Variants in PBX1 observed in about 807,000 individuals in gnomAD.
PBX1 encodes the protein PBX homeobox 1, also known as pre-B-cell leukemia transcription factor 1.
Under a neutral mutation model 53.4 loss-of-function variants are expected in PBX1, and 6 were observed. The observed-to-expected ratio is 0.11, with a 90% CI of 0.06 to 0.22. PBX1 has a LOEUF of 0.22. PBX1 is among the 10% of genes least tolerant of loss of function. The pLI is 1.00. For synonymous variants in PBX1, 204 were observed against 212.3 expected, an observed-to-expected ratio of 0.96 and a Z score of 0.34; for missense variants, 251 against 551.4, an observed-to-expected ratio of 0.46 and a Z score of 5.46.
At chr1:164,614,661 A>C (rs575156361) in intron 2 of PBX1, among the ~76,000 whole-genome samples, 3 of 152,306 alleles carry the variant, frequency 2.0e-5, no homozygotes, top group East Asian at 3.9e-4. Flanking sequence ...GGACTCCCAC[A>C]CATTTTGCAG....
chr1:164,564,399 TAAA>T (rs1653282251), intron 2 of PBX1, among the ~76,000 whole-genome samples: 1 of 151,442 alleles, frequency 6.6e-6, no homozygotes, highest in Non-Finnish European at 1.5e-5. Flanking sequence ...TAGTTACACA[TAAA>T]AAATGGGCGG....
chr1:164,832,460 A>G (rs575596394), intron 8 of PBX1, among the ~76,000 whole-genome samples: 1 of 152,202 alleles, frequency 6.6e-6, no homozygotes, highest in Non-Finnish European at 1.5e-5. Flanking sequence ...CCCAGTGATC[A>G]TACATGAGAG....
chr1:164,627,819 G>A (rs769396948), intron 2 of PBX1, among the ~76,000 whole-genome samples: 64 of 151,992 alleles, frequency 4.2e-4, no homozygotes, highest in Non-Finnish European at 7.8e-4. Flanking sequence ...TTCTCCAGTG[G>A]GCTTGGAGAA....
chr1:164,693,352 A>T (rs1269056404), intron 2 of PBX1, among the ~76,000 whole-genome samples: 1 of 152,228 alleles, frequency 6.6e-6, no homozygotes, highest in Non-Finnish European at 1.5e-5. Flanking sequence ...TTATTATAAT[A>T]CCTGGAAGGG....
intron 2 of PBX1, among the ~76,000 whole-genome samples, chr1:164,663,309 CCT>C (rs150696368): frequency 6.3e-4 from 94 of 148,528 alleles, no homozygotes; most frequent in Admixed American, 8.7e-4. Context: ...TTCCTGCCTT[CCT>C]CTCTCTCTCT....
intron 4 of PBX1, among the ~76,000 whole-genome samples, chr1:164,806,875 T>G (rs1251453657): frequency 1.3e-5 from 2 of 152,214 alleles, no homozygotes; most frequent in Non-Finnish European, 2.9e-5. Context: ...TTCCCTACTC[T>G]CACCCTGTGA....
intron 8 of PBX1, among the ~76,000 whole-genome samples, chr1:164,830,351 C>A (rs1449191072): frequency 3.9e-5 from 6 of 152,068 alleles, no homozygotes; most frequent in Non-Finnish European, 8.8e-5. Flanking sequence ...AGAGGTGTCA[C>A]CATGCTGTGA....
In PBX1 at chr1:164,621,010, G is replaced by A. The variant is rs1657639000; in HGVS notation, c.265+57699G>A. 2.6e-5 allele frequency among the ~76,000 whole-genome samples: 4 copies of A among 151,156 alleles called. No homozygotes were observed. In the Middle Eastern group the frequency reaches 0.011, roughly 402 times the overall value. Reference sequence around the variant, plus strand: ...AAAAAAAAATTAATTAATTTTTTGAGATGGAGTCTTGCTCTGTTGCCAAGC... The same window carrying A: ...AAAAAAAAATTAATTAATTTTTTGAAATGGAGTCTTGCTCTGTTGCCAAGC... On this transcript the variant is annotated intron_variant, in intron 2 of 8. Transcript: ENST00000420696.
chr1:164,731,107 G>A (rs1043762314), intron 2 of PBX1, among the ~76,000 whole-genome samples: 5 of 152,234 alleles, frequency 3.3e-5, no homozygotes, highest in African/African-American at 9.6e-5. Context: ...GCATGCATGT[G>A]CACACTTGTA....
intron 2 of PBX1, 77 bp downstream of exon 2, chr1:164,563,388 T>C: frequency 1.1e-6 from 1 of 917,868 alleles, no homozygotes; most frequent in East Asian, 2.5e-5. Context: ...AAATCTATTA[T>C]TTAAATATTA....
chr1:164,602,516 T>G (rs1656244117), intron 2 of PBX1, among the ~76,000 whole-genome samples: 4 of 152,174 alleles, frequency 2.6e-5, no homozygotes, highest in African/African-American at 2.4e-5. Flanking sequence ...TGCCTTTAGC[T>G]ATACATGTTT....
At chr1:164,620,804 T>G (rs1025779778) in intron 2 of PBX1, among the ~76,000 whole-genome samples, 3 of 151,888 alleles carry the variant, frequency 2.0e-5, no homozygotes, top group African/African-American at 7.3e-5. Flanking sequence ...TGCTTCAGCC[T>G]CCCGAGTAGC....
At chr1:164,879,676 G>C (rs1029742752) in intron 2 of PBX1, among the ~76,000 whole-genome samples, 1 of 152,186 alleles carries the variant, frequency 6.6e-6, no homozygotes. Context: ...CGGTAGTCAT[G>C]ATGGTTAAAT....
rs769077767 is a variant in PBX1 at position 164,671,567 on chromosome 1, C to T, written c.265+108256C>T. On this transcript the variant is annotated intron_variant, in intron 2 of 8. Transcript: ENST00000420696. The stretch of plus-strand genomic sequence containing the variant: ...CCGCCTGCTTCATCTTTAGTTTCCC[C>T]TGTCGTTACCCTTTCCCTCCATCAG... Among the ~76,000 whole-genome samples the T allele has an allele frequency of 2.6e-4, 40 of 152,256 alleles. No individual in the cohort carries two copies. In the South Asian group the frequency reaches 2.9e-3, roughly 11 times the overall value.
At chr1:164,866,890 C>G (rs1173563461) in intron 2 of PBX1, among the ~76,000 whole-genome samples, 1 of 152,180 alleles carries the variant, frequency 6.6e-6, no homozygotes, top group African/African-American at 2.4e-5. Context: ...AAGCTGGACA[C>G]AACCCTATGC....
chr1:164,698,238 C>T (rs936498986), intron 2 of PBX1, among the ~76,000 whole-genome samples: 11 of 152,124 alleles, frequency 7.2e-5, no homozygotes, highest in Admixed American at 1.3e-4. Context: ...AGCAAGACTC[C>T]TACCTCTGAA....
chr1:164,648,003 G>C (rs919743253), intron 2 of PBX1, among the ~76,000 whole-genome samples: 3 of 152,086 alleles, frequency 2.0e-5, no homozygotes, highest in African/African-American at 7.2e-5. Context: ...TTTTAGTAGA[G>C]ACGGGGTTTC....
chr1:164,687,226 G>A (rs954673168), intron 2 of PBX1, among the ~76,000 whole-genome samples: 1 of 152,116 alleles, frequency 6.6e-6, no homozygotes, highest in African/African-American at 2.4e-5. Context: ...GGCATTTGGA[G>A]GTGGAGAGGT....
intron 2 of PBX1, among the ~76,000 whole-genome samples, chr1:164,623,630 C>CAGA (rs1657838701): frequency 6.6e-6 from 1 of 152,150 alleles, no homozygotes; most frequent in Admixed American, 6.5e-5. Flanking sequence ...CATCTCCTCT[C>CAGA]TGTGCTTGCC....
Sources: allele counts gnomAD v4.1 joint callset (sites outside exome capture counted in the v4.1 genomes callset), GRCh38; gene constraint gnomAD v4.1.1; transcripts MANE v1.5; gene names NCBI Gene and HGNC (gene_info 2026-07-23, HGNC 2026-07-21).